PPCS: variants seen among roughly 807,000 people sequenced by gnomAD.
The protein encoded by PPCS is phosphopantothenoylcysteine synthetase.
PPCS carries 17 observed loss-of-function variants against 24.6 expected under a neutral mutation model. The observed-to-expected ratio is 0.69, with a 90% CI of 0.47 to 1.04. The LOEUF (loss-of-function observed/expected upper bound fraction) is 1.04. PPCS is among the 50% of genes least tolerant of loss of function. The pLI, the probability that PPCS is intolerant of heterozygous loss-of-function variation, is 0.00. For missense variants in PPCS, 360 were observed against 402.8 expected (o/e 0.89, Z 0.91); for synonymous variants, 190 against 168.3 (o/e 1.13, Z -1.00).
intron 2 of PPCS, chr1:42,468,536 C>G (rs1233471741): frequency 1.3e-5 from 2 of 152,218 alleles, no homozygotes; most frequent in African/African-American, 4.8e-5. Context: ...AGTCAAAACA[C>G]TAAATATCTT....
chr1:42,471,617 C>T (rs1643772418), intron 2 of PPCS, among the ~76,000 whole-genome samples: 1 of 152,128 alleles, frequency 6.6e-6, no homozygotes, highest in Non-Finnish European at 1.5e-5. Flanking sequence ...CCACAAATAA[C>T]TGTATGATGC....
At chr1:42,466,563 T>G (rs925139108) in intron 2 of PPCS, among the ~76,000 whole-genome samples, 38 of 152,052 alleles carry the variant, frequency 2.5e-4, no homozygotes, top group East Asian at 3.9e-4. Context: ...TTTTGTTTTT[T>G]TTTTTTGAGA....
chr1:42,460,368 A>G lies in PPCS; in HGVS notation c.*442A>G. On this transcript the variant is annotated 3_prime_UTR_variant, in exon 3 of 3. Transcript: ENST00000372561. Reference sequence around the variant, plus strand: ...GTTTAGGAAATGGATGTATAAAAAAATCAAGTGCAATAAAGTGTGTGTCCA... The same window carrying G: ...GTTTAGGAAATGGATGTATAAAAAAGTCAAGTGCAATAAAGTGTGTGTCCA... 1 of 987,668 alleles carries G rather than the reference A, an allele frequency of 1.0e-6. No individual in the cohort carries two copies. Among genetic ancestry groups the G allele is most frequent in the Middle Eastern group, 5.2e-4 (1 of 1,914 alleles). The allele number at this position is 987,668 out of a possible 1,614,324, so 61.2% of individuals were successfully genotyped here.
In PPCS at chr1:42,456,573, A is replaced by G; in HGVS notation, c.8A>G (p.Glu3Gly). 6.7e-7 allele frequency: 1 copy of G among 1,482,922 alleles called. No individual in the cohort carries two copies. The highest frequency in any genetic ancestry group is 8.9e-7 in the Non-Finnish European group (1 of 1,118,518). 91.9% of individuals were successfully genotyped at this position (1,482,922 alleles called of 1,614,324 possible). The change falls in exon 1 of 3, where the codon GAA becomes GGA. Residue 3 changes from glutamate to glycine, a missense_variant. Coordinates refer to ENST00000372561, the MANE Select transcript of PPCS (RefSeq NM_024664.4). ...CCGGCCGCTGCGCTGCAGATGGCGG[A>G]AATGGATCCGGTAGCCGAGTTCCCC... The part of the protein sequence containing the change: MA[E>G]MDPVAEFPQP...
At chr1:42,466,899 A>C (rs546311778) in intron 2 of PPCS, among the ~76,000 whole-genome samples, 2 of 152,206 alleles carry the variant, frequency 1.3e-5, no homozygotes, top group African/African-American at 4.8e-5. Context: ...TTTTAGGTAC[A>C]GTTTAGATGT....
intron 2 of PPCS, among the ~76,000 whole-genome samples, chr1:42,470,736 G>A (rs915329): frequency 0.14 from 21,433 of 152,174 alleles, 1,628 homozygotes; most frequent in East Asian, 0.18. Context: ...CCATTTCTAT[G>A]AGTTGTATAA....
chr1:42,463,886 C>G (rs1643484419), downstream of PPCS: 1 of 152,182 alleles, frequency 6.6e-6, no homozygotes, highest in African/African-American at 2.4e-5. Context: ...TCCTCAACAT[C>G]AGAGGTCATG....
Position 42,459,696 on chromosome 1 carries a change from C to A in PPCS, c.706C>A (p.Pro236Thr). The A allele has an allele frequency of 6.2e-7, 1 of 1,614,082 alleles. No homozygotes were observed. The highest frequency in any genetic ancestry group is 8.5e-7 in the Non-Finnish European group (1 of 1,180,008). ...AATTTCCTTTAAGTTGGAGACTGACCCCGCCATTGTAATTAATCGAGCTCG... is the reference window on the plus strand; with the variant it reads ...AATTTCCTTTAAGTTGGAGACTGACACCGCCATTGTAATTAATCGAGCTCG... Reference protein sequence around the residue: ...FIISFKLETDPAIVINRARKA... With the variant: ...FIISFKLETDTAIVINRARKA... Residue 236 changes from proline (P) to threonine (T), a missense_variant, in exon 3 of 3, where the codon CCC becomes ACC. By Grantham distance (38) the Pro-to-Thr change is conservative (BLOSUM62 -1). This residue lies in a region of PPCS where 116 missense variants were observed against 168.1 expected (regional missense o/e 0.69). Coordinates refer to ENST00000372561, the MANE Select transcript of PPCS (RefSeq NM_024664.4).
At chr1:42,456,542 C>T, upstream of PPCS, 1 of 1,447,434 alleles carries the variant, frequency 6.9e-7, no homozygotes, top group Non-Finnish European at 9.1e-7. Flanking sequence ...GAAACGTGCG[C>T]AGGCGCCGGC....
rs1643390760 is a variant in PPCS at position 42,460,812 on chromosome 1, GA to G, written c.*887del. ...GCAAAGTAATGCCATTTATTGTGAG[GA>G]TCAAATGAAATAGCAAAAAGAAAGC... On this transcript the variant is annotated 3_prime_UTR_variant, in exon 3 of 3. Transcript: ENST00000372561. 6.6e-6 allele frequency among the ~76,000 whole-genome samples: 1 copy of G among 152,208 alleles called. No individual in the cohort carries two copies. The highest frequency in any genetic ancestry group is 1.5e-5 in the Non-Finnish European group (1 of 68,034).
intron 2 of PPCS, chr1:42,473,026 A>G (rs1643820013): frequency 1.8e-6 from 2 of 1,128,356 alleles, no homozygotes; most frequent in South Asian, 4.6e-5. Flanking sequence ...CTAGTACTCT[A>G]ATAAGGAGAC....
In PPCS at chr1:42,456,958, T is replaced by G; in HGVS notation, c.393T>G (p.Ala131=). 1 of 1,604,790 alleles carries G rather than the reference T, an allele frequency of 6.2e-7. No homozygotes were observed. The highest frequency in any genetic ancestry group is 8.5e-7 in the Non-Finnish European group (1 of 1,179,964). ...EENALPGFAE[A]LRSYQEAAAA... ...ATGCACTTCCGGGTTTTGCTGAGGC[T>G]CTGAGGAGCTACCAGGAGGCTGCGG... The change falls in exon 1 of 3, where the codon GCT becomes GCG. Residue 131 remains alanine (A), a synonymous_variant. Transcript: ENST00000372561.
chr1:42,473,163 A>C lies in PPCS; in HGVS notation n.419A>C, dbSNP rs1350753652. On this transcript the variant is annotated non_coding_transcript_exon_variant, in exon 3 of 3. Transcript: ENST00000471420. ...AAGACATACTTCACCATCTTGAAAA[A>C]GAAGAAATCAATCCCCTTGCTACTA... 6.5e-6 allele frequency: 8 copies of C among 1,230,586 alleles called. No homozygotes were observed. The African/African-American group carries it at 1.2e-4, about 19-fold the overall frequency. The allele number at this position is 1,230,586 out of a possible 1,614,324, so 76.2% of individuals were successfully genotyped here. A position where few individuals can be genotyped will look rare whatever the true frequency, so the allele number is the denominator to read the frequency against.
chr1:42,466,079 A>G (rs1173079189), downstream of PPCS, among the ~76,000 whole-genome samples: 1 of 152,184 alleles, frequency 6.6e-6, no homozygotes, highest in Non-Finnish European at 1.5e-5. Context: ...TATGTATTTT[A>G]TTTAAGATGT....
At chr1:42,467,950 A>T (rs868158353) in intron 2 of PPCS, among the ~76,000 whole-genome samples, 16 of 152,364 alleles carry the variant, frequency 1.1e-4, no homozygotes, top group African/African-American at 3.6e-4. Context: ...AAGCAGAGGA[A>T]GTTTTTCTCT....
rs1643382399 is a variant in PPCS at position 42,460,525 on chromosome 1, T to G, written c.*599T>G. ...TTTCACTGCATTTACTTTTTGCTTCTTATTGTAGATTCACCTCATGTTTGG... is the reference window on the plus strand; with the variant it reads ...TTTCACTGCATTTACTTTTTGCTTCGTATTGTAGATTCACCTCATGTTTGG... On this transcript the variant is annotated 3_prime_UTR_variant, in exon 3 of 3. Coordinates refer to ENST00000372561, the MANE Select transcript of PPCS (RefSeq NM_024664.4). 1 of 272,816 alleles carries G rather than the reference T, an allele frequency of 3.7e-6. No individual in the cohort carries two copies. The highest frequency in any genetic ancestry group is 5.6e-6 in the Non-Finnish European group (1 of 178,442). 16.9% of individuals were successfully genotyped at this position (272,816 alleles called of 1,614,324 possible).
At chr1:42,463,081 C>T (rs956676310), downstream of PPCS, among the ~76,000 whole-genome samples, 2 of 152,256 alleles carry the variant, frequency 1.3e-5, no homozygotes, top group Non-Finnish European at 2.9e-5. Context: ...CGACATGTTA[C>T]CATGGTTACA....
chr1:42,457,123 C>A (rs1202974740), intron 1 of PPCS, 50 bp downstream of exon 1: 1 of 1,576,440 alleles, frequency 6.3e-7, no homozygotes, highest in Non-Finnish European at 8.6e-7. Flanking sequence ...GCCTTTCTTT[C>A]CAGCCACTTA....
downstream of PPCS, among the ~76,000 whole-genome samples, chr1:42,465,656 T>C (rs11210649): frequency 0.39 from 58,932 of 151,890 alleles, 11,919 homozygotes; most frequent in East Asian, 0.59. Context: ...TGAGCCACGG[T>C]ACCCGACCTC....
Sources: allele counts gnomAD v4.1 joint callset (sites outside exome capture counted in the v4.1 genomes callset), GRCh38; gene constraint gnomAD v4.1.1; regional missense constraint gnomAD v4.1.1; transcripts MANE v1.5; gene names NCBI Gene and HGNC (gene_info 2026-07-23, HGNC 2026-07-21).